CFAP74: variants seen among roughly 807,000 people sequenced by gnomAD.
CFAP74 encodes the protein cilia- and flagella-associated protein 74.
A neutral mutation model predicts 188.9 loss-of-function variants in CFAP74; 124 were observed. The observed-to-expected ratio is 0.66, with a 90% CI of 0.57 to 0.76. The LOEUF is 0.76. CFAP74 is among the 30% of genes least tolerant of loss of function. The probability of loss-of-function intolerance (pLI) is 0.00; values close to 1 mark genes in which losing one functional copy is unlikely to be tolerated. For synonymous variants in CFAP74, 956 were observed against 916.7 expected (o/e 1.04, Z -0.77); for missense variants, 2,198 against 2,165.2 (o/e 1.02, Z -0.30).
intron 10 of CFAP74, among the ~76,000 whole-genome samples, chr1:1,970,247 C>G (rs1209601536): frequency 1.3e-5 from 2 of 152,250 alleles, no homozygotes; most frequent in Non-Finnish European, 2.9e-5. Flanking sequence ...CGGCCCTGGA[C>G]AGGGAGTGAG....
At chr1:1,971,141 T>C (rs995126133) in intron 9 of CFAP74, among the ~76,000 whole-genome samples, 1 of 129,100 alleles carries the variant, frequency 7.7e-6, no homozygotes, top group Non-Finnish European at 1.6e-5. Flanking sequence ...ACACACATGC[T>C]CGCACATGCA....
At chr1:1,966,587 A>C in intron 11 of CFAP74, 61 bp from the exon 12 acceptor site, 6 of 1,362,646 alleles carry the variant, frequency 4.4e-6, no homozygotes, top group East Asian at 2.7e-5. Context: ...GGGAAGAGAA[A>C]CTCGGCCCAG....
In CFAP74 at chr1:1,922,592, A is replaced by C; in HGVS notation, c.4815T>G (p.Phe1605Leu). 6.2e-7 allele frequency: 1 copy of C among 1,607,910 alleles called. No homozygotes were observed. The highest frequency in any genetic ancestry group is 1.1e-5 in the South Asian group (1 of 90,184). The stretch of plus-strand genomic sequence containing the variant: ...CCTGGAGCCCAAAGGCACCTACATC[A>C]AAGTCCGCAGGTGGCACCCAGGAGA... ...ISISWVPPADFDPDHPLMVSA... is the reference protein window; with the variant it reads ...ISISWVPPADLDPDHPLMVSA... The change falls in exon 38 of 39, where the codon TTT (phenylalanine) becomes TTG (leucine). Residue 1605 changes from phenylalanine (F) to leucine (L), a missense_variant. Phe to Leu is a conservative substitution (Grantham distance 22). Coordinates refer to ENST00000682832, the MANE Select transcript of CFAP74 (RefSeq NM_001304360.2).
Position 1,970,678 on chromosome 1 carries a change from C to CCTGGCGCCGGCG in CFAP74, c.1015_1026dup (p.Arg339_Gln342dup), listed in dbSNP as rs1655889192. 6.2e-7 allele frequency: 1 copy of CCTGGCGCCGGCG among 1,611,164 alleles called. No homozygotes were observed. ...CCTCACCTCTTCTGGGCCTCCAGCT[C>CCTGGCGCCGGCG]CTGGCGCCGGCGCTGGTGGACAAGG... On this transcript the variant is annotated inframe_insertion, in exon 10 of 39. Coordinates refer to ENST00000682832, the MANE Select transcript of CFAP74 (RefSeq NM_001304360.2).
chr1:1,923,211 G>A lies in CFAP74; in HGVS notation c.4523-66C>T. 1 of 1,526,118 alleles carries A rather than the reference G, an allele frequency of 6.6e-7. No individual in the cohort carries two copies. Among genetic ancestry groups the A allele is most frequent in the South Asian group, 1.2e-5 (1 of 82,044 alleles). The allele number at this position is 1,526,118 out of a possible 1,614,324, so 94.5% of individuals were successfully genotyped here. A position where few individuals can be genotyped will look rare whatever the true frequency, so the allele number is the denominator to read the frequency against. On this transcript the variant is annotated intron_variant, in intron 36 of 38. Transcript: ENST00000682832. This position sits in a 1 kb window ranked among gnomAD's most constrained non-coding sequence, Gnocchi z 6.3. The stretch of plus-strand genomic sequence containing the variant: ...GAGGCATGGGGTGAGGCTGCAGCTG[G>A]ACTCCTGAACTCTGGTTAGCAGTGG...
intron 20 of CFAP74, among the ~76,000 whole-genome samples, chr1:1,945,898 ATGTGTGTG>A (rs1653725323): frequency 2.2e-4 from 32 of 142,730 alleles, no homozygotes; most frequent in South Asian, 1.1e-3. Context: ...GCGTGTGTGC[ATGTGTGTG>A]CATGTGTGTG....
Position 1,942,532 on chromosome 1 carries a change from C to T in CFAP74, c.2487-376G>A, listed in dbSNP as rs1653455273. Reference sequence around the variant, plus strand: ...CTCCCTCCAGGGCTCTGCCCGCCTCCTGCCCAGGGCATCCCCACATCCTGC... The same window carrying T: ...CTCCCTCCAGGGCTCTGCCCGCCTCTTGCCCAGGGCATCCCCACATCCTGC... On this transcript the variant is annotated intron_variant, in intron 21 of 38. Coordinates refer to ENST00000682832, the MANE Select transcript of CFAP74 (RefSeq NM_001304360.2). This position sits in a 1 kb window ranked among gnomAD's most constrained non-coding sequence, Gnocchi z 4.3. 1.3e-5 allele frequency among the ~76,000 whole-genome samples: 2 copies of T among 152,148 alleles called. No individual in the cohort carries two copies. The highest frequency in any genetic ancestry group is 4.8e-5 in the African/African-American group (2 of 41,444).
Position 1,922,308 on chromosome 1 carries a change from G to A in CFAP74, c.4899C>T (p.Ala1633=), listed in dbSNP as rs756952075. ...AGGCTTAGGGGCCAGTCAACACCTG[G>A]GCTACAAAGATGACCTTGTAGGTCT... ...VKETYKVIFV[A]QVLTGP The change falls in exon 39 of 39, where the codon GCC becomes GCT. Residue 1633 remains alanine (A), a synonymous_variant. Transcript: ENST00000682832. The A allele has an allele frequency of 2.5e-6, 4 of 1,607,660 alleles. No individual in the cohort carries two copies. The highest frequency in any genetic ancestry group is 3.4e-6 in the Non-Finnish European group (4 of 1,178,368).
chr1:1,927,352 G>A, intron 28 of CFAP74: 2 of 572,374 alleles, frequency 3.5e-6, no homozygotes, highest in Non-Finnish European at 6.2e-6. Context: ...CACCCGGGGG[G>A]CTGGGTGGGG....
At chr1:1,989,048 CTT>C in intron 2 of CFAP74, 75 bp from the exon 3 acceptor site, 1 of 774,884 alleles carries the variant, frequency 1.3e-6, no homozygotes, top group Non-Finnish European at 2.1e-6. Context: ...TAGGATAAAT[CTT>C]TTTCTTTTTT....
At chr1:1,949,120 TTCCCTTCCCTCC>T (rs1654040757) in intron 18 of CFAP74, among the ~76,000 whole-genome samples, 1 of 64,352 alleles carries the variant, frequency 1.6e-5, no homozygotes, top group Non-Finnish European at 3.4e-5. Context: ...CTTTCCTTTC[TTCCCTTCCCTCC>T]CTCCCTCCCT....
At position 1,966,346 on chromosome 1, in the gene CFAP74, C is replaced by A. The variant is rs774064416; in HGVS notation, c.1401+25G>T. On this transcript the variant is annotated intron_variant, in intron 12 of 38. Coordinates refer to ENST00000682832, the MANE Select transcript of CFAP74 (RefSeq NM_001304360.2). ...CAGAGGGCCGGGGTCCGTCTGCAAG[C>A]GTCTAAAGGAGCAGGAGCTGATACC... 62 of 1,473,524 alleles carry A rather than the reference C, an allele frequency of 4.2e-5. 1 individual carries two copies. The South Asian group carries it at 8.0e-4, about 19-fold the overall frequency. The allele number at this position is 1,473,524 out of a possible 1,614,324, so 91.3% of individuals were successfully genotyped here. A position where few individuals can be genotyped will look rare whatever the true frequency, so the allele number is the denominator to read the frequency against.
chr1:1,946,230 C>T (rs892494685), intron 20 of CFAP74, 87 bp downstream of exon 20: 156 of 1,440,564 alleles, frequency 1.1e-4, no homozygotes, highest in Admixed American at 4.5e-4. Context: ...GGGCAAATGG[C>T]GACCTTGTGG....
chr1:1,924,097 C>T (rs1325141908), intron 34 of CFAP74, among the ~76,000 whole-genome samples, 168 bp from the exon 35 acceptor site: 17 of 111,706 alleles, frequency 1.5e-4, no homozygotes, highest in African/African-American at 4.9e-4. Flanking sequence ...TGGATCCAAG[C>T]GCCCACCCCC....
chr1:1,923,599 T>C lies in CFAP74; in HGVS notation c.4390-100A>G. The C allele has an allele frequency of 6.5e-7, 1 of 1,540,050 alleles. No individual in the cohort carries two copies. The highest frequency in any genetic ancestry group is 1.2e-5 in the South Asian group (1 of 80,736). On this transcript the variant is annotated intron_variant, in intron 35 of 38. Coordinates refer to ENST00000682832, the MANE Select transcript of CFAP74 (RefSeq NM_001304360.2). The surrounding 1 kb of genome is among the most constrained non-coding windows in gnomAD (Gnocchi z 6.3). ...CTCAGGGAAGGAAGCAGGGACGGCC[T>C]GGGGGCCCCGTGGGGCCCTGGACTC...
chr1:1,977,727 C>T (rs914634786), intron 6 of CFAP74, among the ~76,000 whole-genome samples: 3 of 152,192 alleles, frequency 2.0e-5, no homozygotes, highest in East Asian at 1.9e-4. Flanking sequence ...CCATCACAAA[C>T]TCAGCTGATC....
At position 1,959,200 on chromosome 1, in the gene CFAP74, C is replaced by T; in HGVS notation, c.1771G>A (p.Asp591Asn). The change falls in exon 16 of 39, where the codon GAT becomes AAT. Residue 591 changes from aspartate (D) to asparagine (N), a missense_variant. Physicochemically the swap from Asp to Asn is conservative, Grantham distance 23 (BLOSUM62 1). Transcript: ENST00000682832. Reference protein sequence around the residue: ...LVTFKPMINKDLEGNISFLAQ... With the variant: ...LVTFKPMINKNLEGNISFLAQ... Reference sequence around the variant, plus strand: ...AAAAATGAGATATTTCCTTCTAGATCCTTGTTTATCTAAAACATAAAACAA... The same window carrying T: ...AAAAATGAGATATTTCCTTCTAGATTCTTGTTTATCTAAAACATAAAACAA... 1 of 1,604,594 alleles carries T rather than the reference C, an allele frequency of 6.2e-7. No individual in the cohort carries two copies. Among genetic ancestry groups the T allele is most frequent in the Non-Finnish European group, 8.5e-7 (1 of 1,171,566 alleles).
chr1:1,947,652 G>C (rs757054903), intron 18 of CFAP74, among the ~76,000 whole-genome samples: 1 of 152,224 alleles, frequency 6.6e-6, no homozygotes, highest in Admixed American at 6.5e-5. Flanking sequence ...CCACGCGCAG[G>C]TTGGCATTCT....
intron 8 of CFAP74, among the ~76,000 whole-genome samples, 155 bp from the exon 9 acceptor site, chr1:1,972,237 C>T (rs1368485252): frequency 6.6e-6 from 1 of 152,372 alleles, no homozygotes; most frequent in East Asian, 1.9e-4. Flanking sequence ...TGCACCACCA[C>T]AAACGGCCAC....
Sources: allele counts gnomAD v4.1 joint callset (sites outside exome capture counted in the v4.1 genomes callset), GRCh38; gene constraint gnomAD v4.1.1; non-coding constraint Gnocchi (gnomAD v3.1); transcripts MANE v1.5; gene names NCBI Gene and HGNC (gene_info 2026-07-23, HGNC 2026-07-21).